The following ETV1 variants were observed in gnomAD, a reference collection of about 807,000 sequenced individuals.
ETV1 encodes the protein ETS translocation variant 1.
Under a neutral mutation model 62.3 loss-of-function variants are expected in ETV1, and 27 were observed. That is an observed-to-expected ratio of 0.43 (90% CI 0.32 to 0.60). ETV1 has a LOEUF of 0.60. ETV1 is among the 20% of genes least tolerant of loss of function. ETV1 has a pLI of 0.06. For synonymous variants in ETV1, 222 were observed against 199.6 expected (o/e 1.11, Z -0.94); for missense variants, 605 against 605.8 (o/e 1.00, Z 0.01).
intron 9 of ETV1, among the ~76,000 whole-genome samples, chr7:13,916,755 C>T (rs1238319643): frequency 6.6e-6 from 1 of 151,722 alleles, no homozygotes; most frequent in East Asian, 1.9e-4. Context: ...ATGGTGAAAC[C>T]CCATCTCTAC....
chr7:13,940,026 C>T (rs1461284738), intron 6 of ETV1, among the ~76,000 whole-genome samples: 2 of 151,968 alleles, frequency 1.3e-5, no homozygotes, highest in Non-Finnish European at 2.9e-5. Context: ...TAGAAAAATA[C>T]GTATATGGGG....
intron 13 of ETV1, among the ~76,000 whole-genome samples, chr7:13,898,044 T>G (rs1188086697): frequency 6.6e-6 from 1 of 152,204 alleles, no homozygotes; most frequent in East Asian, 1.9e-4. Flanking sequence ...CCTCACTGCT[T>G]CCTTCTGTAT....
At chr7:13,951,066 C>T (rs1320281220) in intron 6 of ETV1, among the ~76,000 whole-genome samples, 1 of 151,998 alleles carries the variant, frequency 6.6e-6, no homozygotes, top group African/African-American at 2.4e-5. Flanking sequence ...CCACAGTCCC[C>T]ACCACTCCAT....
intron 12 of ETV1, among the ~76,000 whole-genome samples, chr7:13,904,219 T>G (rs1782724732): frequency 6.6e-6 from 1 of 152,226 alleles, no homozygotes; most frequent in Admixed American, 6.5e-5. Context: ...GATGTTTCAT[T>G]TTGAACAAAA....
intron 13 of ETV1, among the ~76,000 whole-genome samples, chr7:13,896,743 G>GGAAAGAAAGAAAGGAAGAAAGAAAGAAA (rs1781849066): frequency 1.7e-5 from 2 of 115,302 alleles, no homozygotes; most frequent in African/African-American, 6.7e-5. Flanking sequence ...AAGAAAGAAA[G>GGAAAGAAAGAAAGGAAGAAAGAAAGAAA]GAAAGAAAGA....
chr7:13,971,349 A>G (rs1780886326), intron 6 of ETV1, among the ~76,000 whole-genome samples: 1 of 152,222 alleles, frequency 6.6e-6, no homozygotes, highest in Non-Finnish European at 1.5e-5. Flanking sequence ...AGTGCCATCC[A>G]TGTAATAATA....
At chr7:13,917,536 T>C (rs191439200) in intron 9 of ETV1, among the ~76,000 whole-genome samples, 1 of 152,072 alleles carries the variant, frequency 6.6e-6, no homozygotes, top group African/African-American at 2.4e-5. Context: ...CAGGCTGGTT[T>C]TGAACTCCTG....
chr7:13,894,329 C>A lies in ETV1; in HGVS notation c.*1537G>T, dbSNP rs537915556. 11 of 232,612 alleles carry A rather than the reference C, an allele frequency of 4.7e-5. No individual in the cohort carries two copies. Among genetic ancestry groups the A allele is most frequent in the East Asian group, 3.7e-4 (6 of 16,348 alleles). The allele number at this position is 232,612 out of a possible 1,614,324, so 14.4% of individuals were successfully genotyped here. ...TTCAAGGTGAATGAAACAACATACCCTGCTTTCAATATTTTCTCCAAATGC... is the reference window on the plus strand; with the variant it reads ...TTCAAGGTGAATGAAACAACATACCATGCTTTCAATATTTTCTCCAAATGC... On this transcript the variant is annotated 3_prime_UTR_variant, in exon 14 of 14. Transcript: ENST00000430479.
chr7:13,927,161 T>C (rs1785520123), intron 9 of ETV1, among the ~76,000 whole-genome samples: 1 of 152,130 alleles, frequency 6.6e-6, no homozygotes, highest in Admixed American at 6.6e-5. Flanking sequence ...AGAAAATGCT[T>C]TTTACGGCAG....
chr7:13,940,530 C>T (rs9639171), intron 6 of ETV1, among the ~76,000 whole-genome samples: 45,596 of 151,836 alleles, frequency 0.3, 7,385 homozygotes, highest in East Asian at 0.4. Context: ...AGAATAGATT[C>T]TGTAATTTAC....
At chr7:13,931,784 G>A (rs776049385) in intron 8 of ETV1, 35 bp from the exon 9 acceptor site, 4 of 1,605,796 alleles carry the variant, frequency 2.5e-6, no homozygotes, top group Non-Finnish European at 3.4e-6. Flanking sequence ...AGATGAAACG[G>A]TAACATGGAA....
intron 3 of ETV1, chr7:13,988,609 A>AAAT: frequency 8.0e-7 from 1 of 1,243,646 alleles, no homozygotes; most frequent in Non-Finnish European, 1.0e-6. Context: ...AAAAAAAAAA[A>AAAT]GAGAAAATGA....
chr7:13,961,290 G>C (rs1436514837), intron 6 of ETV1, among the ~76,000 whole-genome samples: 1 of 152,158 alleles, frequency 6.6e-6, no homozygotes, highest in Non-Finnish European at 1.5e-5. Context: ...TGGAAAAGTA[G>C]CTATTTTATA....
intron 9 of ETV1, among the ~76,000 whole-genome samples, chr7:13,920,421 C>G (rs1232127710): frequency 1.3e-5 from 2 of 149,098 alleles, no homozygotes; most frequent in Admixed American, 6.8e-5. Context: ...TATAAATGGA[C>G]ATTCCAGAGA....
At chr7:13,906,694 C>A in intron 11 of ETV1, 95 bp from the exon 12 acceptor site, 1 of 821,566 alleles carries the variant, frequency 1.2e-6, no homozygotes, top group Non-Finnish European at 1.8e-6. Flanking sequence ...GGTTAAACCA[C>A]AATCAACCAC....
At chr7:13,918,021 T>C (rs1784384251) in intron 9 of ETV1, among the ~76,000 whole-genome samples, 2 of 151,978 alleles carry the variant, frequency 1.3e-5, no homozygotes, top group South Asian at 2.1e-4. Flanking sequence ...GCTGCCAAAA[T>C]GGGCCACACA....
chr7:13,935,693 G>A lies in ETV1; in HGVS notation c.554+15C>T, dbSNP rs747047571. On this transcript the variant is annotated intron_variant, in intron 8 of 13. Transcript: ENST00000430479. ...GCAAAAAACAGTTTCTAGAAAACTGGTATCTGCAGGTTACCTGTGGTCCAT... is the reference window on the plus strand; with the variant it reads ...GCAAAAAACAGTTTCTAGAAAACTGATATCTGCAGGTTACCTGTGGTCCAT... 4 of 1,605,080 alleles carry A rather than the reference G, an allele frequency of 2.5e-6. No homozygotes were observed. The highest frequency in any genetic ancestry group is 3.4e-6 in the Non-Finnish European group (4 of 1,174,012).
chr7:13,979,392 C>T (rs1261990049), intron 5 of ETV1, among the ~76,000 whole-genome samples: 2 of 151,938 alleles, frequency 1.3e-5, no homozygotes, highest in South Asian at 2.1e-4. Flanking sequence ...AGAGAGGCAA[C>T]GAAACAGCTA....
intron 6 of ETV1, among the ~76,000 whole-genome samples, chr7:13,973,479 C>T (rs1024069845): frequency 1.3e-5 from 2 of 152,186 alleles, no homozygotes; most frequent in African/African-American, 4.8e-5. Flanking sequence ...TGATAAACTT[C>T]TGCATCCAGA....
Sources: allele counts gnomAD v4.1 joint callset (sites outside exome capture counted in the v4.1 genomes callset), GRCh38; gene constraint gnomAD v4.1.1; transcripts MANE v1.5; gene names NCBI Gene and HGNC (gene_info 2026-07-23, HGNC 2026-07-21).